Variants in TDRD9 observed in about 807,000 individuals in gnomAD.
TDRD9 encodes the protein tudor domain containing 9, also known as ATP-dependent RNA helicase TDRD9.
A neutral mutation model predicts 172.6 loss-of-function variants in TDRD9; 124 were observed. The ratio of observed to expected loss-of-function variants is 0.72; its 90% confidence interval spans 0.62 to 0.83. TDRD9 has a LOEUF of 0.83. Ranked by LOEUF, TDRD9 falls within the 40% of genes least tolerant of loss-of-function variation. The probability of loss-of-function intolerance (pLI) is 0.00; values close to 1 mark genes in which losing one functional copy is unlikely to be tolerated. For synonymous variants in TDRD9, 619 were observed against 617.1 expected (o/e 1.00, Z -0.05); for missense variants, 1,479 against 1,714.1 (o/e 0.86, Z 2.42).
At chr14:103,990,195 C>T (rs186109139) in intron 8 of TDRD9, among the ~76,000 whole-genome samples, 3 of 152,334 alleles carry the variant, frequency 2.0e-5, no homozygotes, top group Admixed American at 6.5e-5. Context: ...GCCAGCATCC[C>T]ATGCAGGCCC....
chr14:103,990,333 C>T (rs1348059771), intron 8 of TDRD9, among the ~76,000 whole-genome samples: 2 of 152,264 alleles, frequency 1.3e-5, no homozygotes, highest in Admixed American at 6.5e-5. Context: ...GCTGCCTGTG[C>T]TGCAGTGACT....
chr14:103,991,113 C>A, intron 8 of TDRD9, 47 bp from the exon 9 acceptor site: 1 of 1,605,596 alleles, frequency 6.2e-7, no homozygotes, highest in Non-Finnish European at 8.5e-7. Flanking sequence ...GAAGCAATAG[C>A]TGTTATTAGC....
chr14:103,996,128 C>T (rs1011651173), intron 12 of TDRD9, among the ~76,000 whole-genome samples: 2 of 152,148 alleles, frequency 1.3e-5, no homozygotes, highest in Non-Finnish European at 2.9e-5. Context: ...GGGAGGAGCT[C>T]AGGCCATCTC....
At chr14:103,934,057 C>T (rs969125624) in intron 1 of TDRD9, among the ~76,000 whole-genome samples, 2 of 151,964 alleles carry the variant, frequency 1.3e-5, no homozygotes, top group Non-Finnish European at 2.9e-5. Context: ...GCTCTGTCAC[C>T]CAGGCTGGAG....
chr14:103,971,140 A>C (rs572836338), intron 6 of TDRD9, among the ~76,000 whole-genome samples: 12 of 142,684 alleles, frequency 8.4e-5, no homozygotes, highest in Admixed American at 2.8e-4. Context: ...CCCACCACCA[A>C]GCCCAGCTAA....
intron 35 of TDRD9, 49 bp downstream of exon 35, chr14:104,049,729 G>A (rs1451655408): frequency 6.7e-7 from 1 of 1,489,974 alleles, no homozygotes; most frequent in Non-Finnish European, 9.2e-7. Flanking sequence ...GTGGAGGAGG[G>A]GACAGGCCCT....
intron 1 of TDRD9, among the ~76,000 whole-genome samples, chr14:103,943,477 TATATA>T (rs1266578455): frequency 2.0e-5 from 3 of 150,344 alleles, no homozygotes; most frequent in African/African-American, 4.9e-5. Context: ...TATACACACA[TATATA>T]ATACACACAT....
At chr14:103,983,237 A>G (rs932285076) in intron 7 of TDRD9, among the ~76,000 whole-genome samples, 1 of 151,240 alleles carries the variant, frequency 6.6e-6, no homozygotes, top group Admixed American at 6.6e-5. Flanking sequence ...TAATTTTTGT[A>G]TTTTTAGTAG....
chr14:103,947,223 T>C (rs2031608181), intron 1 of TDRD9, among the ~76,000 whole-genome samples: 1 of 152,106 alleles, frequency 6.6e-6, no homozygotes, highest in Admixed American at 6.5e-5. Context: ...AAATAAACCC[T>C]CACATACATG....
intron 1 of TDRD9, among the ~76,000 whole-genome samples, chr14:103,932,857 G>A (rs1481904592): frequency 6.6e-6 from 1 of 151,952 alleles, no homozygotes; most frequent in African/African-American, 2.4e-5. Flanking sequence ...GAAGAACATG[G>A]GCAATTTTTT....
At chr14:103,957,214 G>A (rs892389030) in intron 2 of TDRD9, among the ~76,000 whole-genome samples, 6 of 152,146 alleles carry the variant, frequency 3.9e-5, no homozygotes, top group Non-Finnish European at 8.8e-5. Context: ...AGTGTGCTCT[G>A]TTCTGGTTAA....
chr14:104,012,040 A>G (rs575121185), intron 20 of TDRD9, among the ~76,000 whole-genome samples: 132 of 152,314 alleles, frequency 8.7e-4, no homozygotes, highest in African/African-American at 3.1e-3. Context: ...GACAGGCATG[A>G]AGTATTGCAA....
intron 2 of TDRD9, among the ~76,000 whole-genome samples, chr14:103,956,850 C>T (rs980727912): frequency 8.6e-5 from 13 of 151,924 alleles, no homozygotes; most frequent in Admixed American, 3.9e-4. Context: ...AGCACCAGGC[C>T]CTATTCATAT....
Position 104,008,145 on chromosome 14 carries a change from T to C in TDRD9, c.2053-268T>C, listed in dbSNP as rs143614514. 2.1e-3 allele frequency among the ~76,000 whole-genome samples: 326 copies of C among 152,296 alleles called. 5 individuals carry two copies. The highest frequency in any genetic ancestry group is 3.4e-3 in the Middle Eastern group (1 of 294). On this transcript the variant is annotated intron_variant, in intron 19 of 35. Coordinates refer to ENST00000409874, the MANE Select transcript of TDRD9 (RefSeq NM_153046.3). ...GTATATAATTTGTCAGACATCTTTT[T>C]TCAAGATAATCAAGTTATGTCTACC... is the stretch of plus-strand genomic sequence containing the variant.
At chr14:104,028,901 T>C (rs2035201602) in intron 28 of TDRD9, among the ~76,000 whole-genome samples, 1 of 152,220 alleles carries the variant, frequency 6.6e-6, no homozygotes, top group African/African-American at 2.4e-5. Flanking sequence ...TGCATTTAGA[T>C]GTCCAGTTTT....
At chr14:104,043,059 C>T (rs952773343) in intron 34 of TDRD9, among the ~76,000 whole-genome samples, 3 of 151,374 alleles carry the variant, frequency 2.0e-5, no homozygotes, top group African/African-American at 7.3e-5. Context: ...AGAGTCTCAC[C>T]CTCTTGCTCA....
At chr14:104,051,236 A>G (rs2035928006) in intron 35 of TDRD9, among the ~76,000 whole-genome samples, 1 of 152,150 alleles carries the variant, frequency 6.6e-6, no homozygotes, top group Non-Finnish European at 1.5e-5. Context: ...TCCAGCATCA[A>G]TTCGCTTAAG....
rs771151676 is a variant in TDRD9, at chr14:104,006,665, G to T, written c.1899G>T (p.Lys633Asn). ...CLIIAAALSLKNFFAMPFRQH... is the reference protein window; with the variant it reads ...CLIIAAALSLNNFFAMPFRQH... ...GGTTAGCGGCAGCTCTTTCTTTGAA[G>T]AATTTTTTTGCAATGCCTTTCCGGC... The change falls in exon 17 of 36, where the codon AAG (lysine) becomes AAT (asparagine). Residue 633 changes from lysine to asparagine, a missense_variant. Around this residue, in one of 3 missense-constraint regions of TDRD9, gnomAD observed 1,413 missense variants for 1,649.1 expected, o/e 0.86. Coordinates refer to ENST00000409874, the MANE Select transcript of TDRD9 (RefSeq NM_153046.3). The T allele has an allele frequency of 1.2e-6, 2 of 1,613,826 alleles. No homozygotes were observed. The highest frequency in any genetic ancestry group is 2.2e-5 in the East Asian group (1 of 44,864).
At chr14:103,951,860 G>A (rs1250149157) in intron 1 of TDRD9, among the ~76,000 whole-genome samples, 8 of 151,386 alleles carry the variant, frequency 5.3e-5, no homozygotes, top group African/African-American at 1.9e-4. Flanking sequence ...TCCGCCTCCC[G>A]AGTTCACGCC....
Sources: gnomAD v4.1 joint callset for allele counts (sites outside exome capture counted in the v4.1 genomes callset) on GRCh38, gnomAD v4.1.1 for gene constraint, gnomAD v4.1.1 regional missense constraint, MANE v1.5 for transcripts, NCBI Gene and HGNC (gene_info 2026-07-23, HGNC 2026-07-21) for gene names.